ZBTB20: variants seen among roughly 807,000 people sequenced by gnomAD.
The protein encoded by ZBTB20 is zinc finger and BTB domain containing 20.
In ZBTB20, 9 loss-of-function variants were observed where a neutral mutation model predicts 56.9. The ratio of observed to expected loss-of-function variants is 0.16; its 90% CI spans 0.10 to 0.28. The LOEUF (loss-of-function observed/expected upper bound fraction) is 0.28, where lower values mean the gene tolerates loss of function less well. ZBTB20 is among the 10% of genes least tolerant of loss of function. The pLI, the probability that ZBTB20 is intolerant of heterozygous loss-of-function variation, is 1.00. For missense variants in ZBTB20, 655 were observed against 1,003.0 expected (o/e 0.65, Z 4.69); for synonymous variants, 417 against 420.7 (o/e 0.99, Z 0.11).
intron 4 of ZBTB20, among the ~76,000 whole-genome samples, chr3:114,839,321 C>G (rs1333088389): frequency 6.6e-6 from 1 of 151,682 alleles, no homozygotes; most frequent in South Asian, 2.1e-4. Context: ...GGATCACTTG[C>G]GTGCAGGAGG....
At chr3:114,690,248 T>G (rs1446366378) in intron 6 of ZBTB20, among the ~76,000 whole-genome samples, 1 of 152,156 alleles carries the variant, frequency 6.6e-6, no homozygotes, top group Non-Finnish European at 1.5e-5. Context: ...CCCCAAGGGT[T>G]AGGCACATCA....
intron 6 of ZBTB20, among the ~76,000 whole-genome samples, chr3:114,546,125 A>G (rs2049847247): frequency 6.6e-6 from 1 of 152,188 alleles, no homozygotes; most frequent in African/African-American, 2.4e-5. Flanking sequence ...ACTAGAGTAA[A>G]TCGGTACATC....
chr3:114,660,873 G>A (rs1421506011), intron 6 of ZBTB20, among the ~76,000 whole-genome samples: 1 of 152,076 alleles, frequency 6.6e-6, no homozygotes, highest in African/African-American at 2.4e-5. Flanking sequence ...ATAAATAGAT[G>A]GGGCGGGTGG....
intron 7 of ZBTB20, among the ~76,000 whole-genome samples, chr3:114,447,354 G>T (rs913323258): frequency 6.6e-6 from 1 of 152,126 alleles, no homozygotes; most frequent in African/African-American, 2.4e-5. Flanking sequence ...CAGATAGCTT[G>T]GAAGATTTGC....
At chr3:115,049,716 T>C (rs1339153143) in intron 2 of ZBTB20, among the ~76,000 whole-genome samples, 1 of 152,140 alleles carries the variant, frequency 6.6e-6, no homozygotes, top group African/African-American at 2.4e-5. Flanking sequence ...GTCAATGTTA[T>C]TTCTCAGAAG....
chr3:114,361,324 C>A (rs1046782554), intron 10 of ZBTB20, among the ~76,000 whole-genome samples: 1 of 152,214 alleles, frequency 6.6e-6, no homozygotes, highest in African/African-American at 2.4e-5. Flanking sequence ...TTCTTATCAT[C>A]CCCATGAACC....
rs142896880 is a variant in ZBTB20, at chr3:115,118,941, C to A, written c.-703+28278G>T. 1.6e-4 allele frequency among the ~76,000 whole-genome samples: 25 copies of A among 151,958 alleles called. 1 individual carries two copies. The highest frequency in any genetic ancestry group is 5.8e-4 in the East Asian group (3 of 5,174). On this transcript the variant is annotated intron_variant, in intron 1 of 11. Coordinates refer to ENST00000675478, the MANE Select transcript of ZBTB20 (RefSeq NM_001348800.3). Reference sequence around the variant, plus strand: ...TATGATTATTTTAGAAAGAGAATGACCCTCAAATAAAATTTAGTATATTTT... The same window carrying A: ...TATGATTATTTTAGAAAGAGAATGAACCTCAAATAAAATTTAGTATATTTT...
rs913662276 is a variant in ZBTB20 at position 114,324,716 on chromosome 3, T to G, written c.*14289A>C. On this transcript the variant is annotated 3_prime_UTR_variant, in exon 12 of 12. Transcript: ENST00000675478. ...GTTATTCCATAAGAAGAAAAAACAT[T>G]CATAGTAGGATTTCTTAAGGAGCTT... 5 of 152,162 alleles carry G rather than the reference T, an allele frequency of 3.3e-5. No homozygotes were observed. The highest frequency in any genetic ancestry group is 1.2e-4 in the African/African-American group (5 of 41,448). The allele number at this position is 152,162 out of a possible 1,614,324, so 9.4% of individuals were successfully genotyped here.
intron 7 of ZBTB20, among the ~76,000 whole-genome samples, chr3:114,473,133 A>G (rs908952331): frequency 5.9e-5 from 9 of 152,208 alleles, no homozygotes; most frequent in African/African-American, 2.2e-4. Flanking sequence ...GGCTATGCAG[A>G]CAGTCCCCAG....
chr3:114,404,400 A>C (rs375827070), intron 7 of ZBTB20, among the ~76,000 whole-genome samples: 120 of 152,320 alleles, frequency 7.9e-4, no homozygotes, highest in African/African-American at 2.9e-3. Flanking sequence ...CTGCAAAAAC[A>C]AAAACAAACA....
chr3:114,674,669 G>A (rs2061530720), intron 6 of ZBTB20, among the ~76,000 whole-genome samples: 1 of 152,124 alleles, frequency 6.6e-6, no homozygotes. Context: ...GTGGAAGGGT[G>A]ATGAATAAAT....
At chr3:114,756,456 A>G (rs1448280294) in intron 5 of ZBTB20, among the ~76,000 whole-genome samples, 1 of 152,156 alleles carries the variant, frequency 6.6e-6, no homozygotes, top group African/African-American at 2.4e-5. Flanking sequence ...TTTCGATTAC[A>G]CACACAAAAA....
At chr3:114,392,031 A>G (rs528774308) in intron 7 of ZBTB20, among the ~76,000 whole-genome samples, 1 of 152,368 alleles carries the variant, frequency 6.6e-6, no homozygotes. Context: ...GAACTAATAA[A>G]TATGTTTTAT....
At position 115,092,961 on chromosome 3, in the gene ZBTB20, T is replaced by C. The variant is rs193281099; in HGVS notation, c.-702-21547A>G. 3.7e-3 allele frequency among the ~76,000 whole-genome samples: 567 copies of C among 152,224 alleles called. 3 individuals carry two copies. The highest frequency in any genetic ancestry group is 0.012 in the African/African-American group (493 of 41,526). ...TCTCCATTTATTTGTGACTTTTAGATAGAAAATGCAAGCAAGATTATCTAC... is the reference window on the plus strand; with the variant it reads ...TCTCCATTTATTTGTGACTTTTAGACAGAAAATGCAAGCAAGATTATCTAC... On this transcript the variant is annotated intron_variant, in intron 1 of 11. Coordinates refer to ENST00000675478, the MANE Select transcript of ZBTB20 (RefSeq NM_001348800.3).
At position 115,103,766 on chromosome 3, in the gene ZBTB20, A is replaced by G. The variant is rs146764348; in HGVS notation, c.-702-32352T>C. Among the ~76,000 whole-genome samples the G allele has an allele frequency of 3.6e-3, 551 of 152,354 alleles. 4 individuals carry two copies. The highest frequency in any genetic ancestry group is 0.026 in the South Asian group (125 of 4,830). On this transcript the variant is annotated intron_variant, in intron 1 of 11. Coordinates refer to ENST00000675478, the MANE Select transcript of ZBTB20 (RefSeq NM_001348800.3). Reference sequence around the variant, plus strand: ...TTCTAAGACTCCTAAATAGGAAAAAATCTGGATAATTCTGGGTTTCACAAT... The same window carrying G: ...TTCTAAGACTCCTAAATAGGAAAAAGTCTGGATAATTCTGGGTTTCACAAT...
At chr3:115,141,230 T>G (rs2084804091) in intron 1 of ZBTB20, among the ~76,000 whole-genome samples, 1 of 152,208 alleles carries the variant, frequency 6.6e-6, no homozygotes, top group Non-Finnish European at 1.5e-5. Flanking sequence ...TAGTTTATAT[T>G]TGTTTGAAAC....
intron 3 of ZBTB20, among the ~76,000 whole-genome samples, chr3:114,932,623 T>C (rs546128720): frequency 4.9e-4 from 75 of 152,366 alleles, no homozygotes; most frequent in African/African-American, 1.8e-3. Context: ...TTGGTTTTCC[T>C]ATCTCACTTA....
intron 5 of ZBTB20, among the ~76,000 whole-genome samples, chr3:114,778,211 G>A (rs1472476297): frequency 2.0e-5 from 3 of 148,024 alleles, no homozygotes; most frequent in Non-Finnish European, 3.0e-5. Flanking sequence ...AAACCTGCAC[G>A]TTGTGCACAT....
At chr3:114,367,174 A>C (rs947038240) in intron 10 of ZBTB20, 7 of 152,252 alleles carry the variant, frequency 4.6e-5, no homozygotes, top group Non-Finnish European at 1.0e-4. Flanking sequence ...GACAGATTGT[A>C]GATGGGTGCA....
Sources: allele counts gnomAD v4.1 joint callset (sites outside exome capture counted in the v4.1 genomes callset), GRCh38; gene constraint gnomAD v4.1.1; transcripts MANE v1.5; gene names NCBI Gene and HGNC (gene_info 2026-07-23, HGNC 2026-07-21).